Variants in CD302 observed in about 807,000 individuals in gnomAD.
The protein encoded by CD302 is CD302 molecule, also known as CD302 antigen.
In CD302, 23 loss-of-function variants were observed where a neutral mutation model predicts 26.5. The observed-to-expected ratio is 0.87, with a 90% CI of 0.62 to 1.23. The LOEUF (loss-of-function observed/expected upper bound fraction) is 1.23, where lower values mean the gene tolerates loss of function less well. CD302 is among the 50% of genes most tolerant of loss of function. The probability of loss-of-function intolerance (pLI) is 0.00; values close to 1 mark genes in which losing one functional copy is unlikely to be tolerated. For missense variants in CD302, 290 were observed against 275.5 expected (o/e 1.05, Z -0.37); for synonymous variants, 90 against 99.4 (o/e 0.91, Z 0.56).
In CD302 at chr2:159,798,182, A is replaced by G. The variant is rs1682532854; in HGVS notation, c.17T>C (p.Leu6Pro). ...CAGCAACGGCAGCAGGAGCGCGGGC[A>G]GCGCGGCCCGGAGCATGACGGCGGG... Reference protein sequence around the residue: MLRAALPALLLPLLGL... With the variant: MLRAAPPALLLPLLGL... The change falls in exon 1 of 6, where the codon CTG (leucine) becomes CCG (proline). Residue 6 changes from leucine to proline, a missense_variant. Physicochemically the swap from Leu to Pro is moderately conservative, Grantham distance 98. Transcript: ENST00000259053. 12 of 1,474,862 alleles carry G rather than the reference A, an allele frequency of 8.1e-6. No homozygotes were observed. The highest frequency in any genetic ancestry group is 9.8e-6 in the Non-Finnish European group (11 of 1,119,746). 91.4% of individuals were successfully genotyped at this position (1,474,862 alleles called of 1,614,324 possible). A position where few individuals can be genotyped will look rare whatever the true frequency, so the allele number is the denominator to read the frequency against.
chr2:159,778,841 AAC>A (rs80207048), intron 4 of CD302, among the ~76,000 whole-genome samples: 5,094 of 152,230 alleles, frequency 0.033, 124 homozygotes, highest in South Asian at 0.087. Context: ...TTAATGAGAA[AAC>A]AGTTACTTTC....
intron 3 of CD302, 37 bp downstream of exon 3, chr2:159,780,842 GAAC>G: frequency 6.3e-7 from 1 of 1,576,766 alleles, no homozygotes; most frequent in South Asian, 1.1e-5. Context: ...ATTAAAAAAA[GAAC>G]AACAAAGTCA....
chr2:159,790,946 G>C (rs1708790301), intron 1 of CD302, among the ~76,000 whole-genome samples: 1 of 152,100 alleles, frequency 6.6e-6, no homozygotes, highest in Non-Finnish European at 1.5e-5. Flanking sequence ...AGCACTTATA[G>C]TTCTTTTTTT....
intron 1 of CD302, among the ~76,000 whole-genome samples, chr2:159,785,618 T>C (rs1236713541): frequency 6.6e-6 from 1 of 152,212 alleles, no homozygotes; most frequent in Non-Finnish European, 1.5e-5. Flanking sequence ...GTAGATCCTT[T>C]CCCTGAGAAA....
chr2:159,768,639 G>T lies in CD302; in HGVS notation c.*3212C>A, dbSNP rs1169991380. On this transcript the variant is annotated 3_prime_UTR_variant, in exon 6 of 6. Transcript: ENST00000259053. ...AGAAGACATCAGACTTCATAACCAA[G>T]AATTTTATTACAATTTCAAATCTCA... 1.3e-5 allele frequency: 2 copies of T among 152,494 alleles called. No individual in the cohort carries two copies. Among genetic ancestry groups the T allele is most frequent in the East Asian group, 1.9e-4 (1 of 5,190 alleles). 9.4% of individuals were successfully genotyped at this position (152,494 alleles called of 1,614,324 possible). A position where few individuals can be genotyped will look rare whatever the true frequency, so the allele number is the denominator to read the frequency against.
intron 5 of CD302, among the ~76,000 whole-genome samples, chr2:159,774,909 T>A (rs962382174): frequency 3.9e-5 from 6 of 152,190 alleles, no homozygotes; most frequent in African/African-American, 1.4e-4. Context: ...AACTCCATGT[T>A]CTCTACTGTT....
chr2:159,784,734 C>T (rs1708620016), intron 1 of CD302, among the ~76,000 whole-genome samples: 1 of 152,102 alleles, frequency 6.6e-6, no homozygotes, highest in African/African-American at 2.4e-5. Flanking sequence ...CAATCAGCTA[C>T]ATTAATCTAA....
chr2:159,793,083 T>C (rs544502711), intron 1 of CD302, among the ~76,000 whole-genome samples: 1 of 152,306 alleles, frequency 6.6e-6, no homozygotes, highest in East Asian at 1.9e-4. Flanking sequence ...TTTGCCATAA[T>C]CCTAATATAA....
At chr2:159,782,103 C>T (rs1390014240) in intron 2 of CD302, among the ~76,000 whole-genome samples, 1 of 151,866 alleles carries the variant, frequency 6.6e-6, no homozygotes, top group East Asian at 1.9e-4. Flanking sequence ...CTTGTTTCTA[C>T]TAAAAATACA....
intron 1 of CD302, among the ~76,000 whole-genome samples, chr2:159,788,020 T>A (rs949620264): frequency 2.1e-4 from 32 of 151,342 alleles, no homozygotes; most frequent in Non-Finnish European, 3.5e-4. Context: ...GGCAGGAGAA[T>A]CACTTGAACC....
At chr2:159,776,452 AATAATTTT>A (rs76680013) in intron 5 of CD302, among the ~76,000 whole-genome samples, 9,847 of 152,124 alleles carry the variant, frequency 0.065, 399 homozygotes, top group Middle Eastern at 0.17. Flanking sequence ...TAATTCTTTT[AATAATTTT>A]TTTTGAAGAA....
intron 1 of CD302, among the ~76,000 whole-genome samples, chr2:159,787,378 C>G (rs1708694408): frequency 6.6e-6 from 1 of 151,682 alleles, no homozygotes; most frequent in Non-Finnish European, 1.5e-5. Context: ...TTTCATTTGT[C>G]CTACTTATTT....
intron 5 of CD302, among the ~76,000 whole-genome samples, chr2:159,775,179 G>C (rs1300308091): frequency 6.6e-6 from 1 of 152,198 alleles, no homozygotes; most frequent in Non-Finnish European, 1.5e-5. Flanking sequence ...CTTGAGAGCA[G>C]AGGCTTTTGT....
chr2:159,776,248 C>T (rs1574487199), intron 5 of CD302, among the ~76,000 whole-genome samples: 1 of 151,962 alleles, frequency 6.6e-6, no homozygotes, highest in Non-Finnish European at 1.5e-5. Context: ...CTAAATGATA[C>T]TCAGTTGTAT....
At chr2:159,779,230 C>CAAAAAAA (rs10710620) in intron 4 of CD302, among the ~76,000 whole-genome samples, 5 of 47,782 alleles carry the variant, frequency 1.0e-4, no homozygotes, top group African/African-American at 4.1e-4. Context: ...GACTGCATCG[C>CAAAAAAA]AAAAAAAAAA....
chr2:159,794,302 T>TAAAATAA (rs10656352), intron 1 of CD302, among the ~76,000 whole-genome samples: 1 of 113,460 alleles, frequency 8.8e-6, no homozygotes, highest in Non-Finnish European at 1.8e-5. Flanking sequence ...TAAAATAAAA[T>TAAAATAA]AATAAAAAAA....
At chr2:159,772,123 CA>C in intron 5 of CD302, 70 bp from the exon 6 acceptor site, 1 of 1,510,976 alleles carries the variant, frequency 6.6e-7, no homozygotes, top group Non-Finnish European at 9.0e-7. Context: ...TTTTGATGAG[CA>C]CAACTGTAGT....
chr2:159,790,131 G>T (rs1278869297), intron 1 of CD302, among the ~76,000 whole-genome samples: 1 of 152,144 alleles, frequency 6.6e-6, no homozygotes, highest in Non-Finnish European at 1.5e-5. Context: ...TATGTGTTAG[G>T]TATAATGCTT....
intron 4 of CD302, 57 bp downstream of exon 4, chr2:159,779,948 C>G (rs2125800336): frequency 6.5e-7 from 1 of 1,547,126 alleles, no homozygotes. Context: ...TATTTTAAAA[C>G]CAGTCCTACT....
Sources: allele counts gnomAD v4.1 joint callset (sites outside exome capture counted in the v4.1 genomes callset), GRCh38; gene constraint gnomAD v4.1.1; transcripts MANE v1.5; gene names NCBI Gene and HGNC (gene_info 2026-07-23, HGNC 2026-07-21).